RYR2: variants seen among roughly 807,000 people sequenced by gnomAD.
The protein encoded by RYR2 is ryanodine receptor 2.
Under a neutral mutation model 601.1 loss-of-function variants are expected in RYR2, and 227 were observed. The observed-to-expected ratio is 0.38, with a 90% confidence interval of 0.34 to 0.42. The LOEUF (loss-of-function observed/expected upper bound fraction) is 0.42. RYR2 is among the 10% of genes least tolerant of loss of function. The pLI is 1.00. For missense variants in RYR2, 4,646 were observed against 6,156.5 expected, an observed-to-expected ratio of 0.75 and a Z score of 8.21; for synonymous variants, 2,223 against 2,175.1, an observed-to-expected ratio of 1.02 and a Z score of -0.61.
chr1:237,475,707 A>G lies in RYR2; in HGVS notation c.1708+6520A>G, dbSNP rs980871764. The stretch of plus-strand genomic sequence containing the variant: ...TGTATGTATATAATATAGGATGATT[A>G]AATCAAGCTAATTAAATATCCATAA... On this transcript the variant is annotated intron_variant, in intron 17 of 104. Transcript: ENST00000366574. 3.3e-5 allele frequency among the ~76,000 whole-genome samples: 5 copies of G among 152,372 alleles called. No homozygotes were observed. In the South Asian group the frequency reaches 1.0e-3, roughly 32 times the overall value.
At chr1:237,605,956 T>G (rs975370802) in intron 35 of RYR2, among the ~76,000 whole-genome samples, 2 of 151,458 alleles carry the variant, frequency 1.3e-5, no homozygotes, top group African/African-American at 4.9e-5. Flanking sequence ...TGCTCATGGG[T>G]AGGAAGAATC....
At chr1:237,123,110 T>G (rs1670995201) in intron 1 of RYR2, among the ~76,000 whole-genome samples, 1 of 152,208 alleles carries the variant, frequency 6.6e-6, no homozygotes, top group African/African-American at 2.4e-5. Context: ...GCTAGTACAG[T>G]GGCTTTTATA....
intron 89 of RYR2, among the ~76,000 whole-genome samples, chr1:237,782,083 C>CT (rs1169775572): frequency 6.6e-6 from 1 of 152,042 alleles, no homozygotes; most frequent in Non-Finnish European, 1.5e-5. Flanking sequence ...AGCCTCTGTC[C>CT]CCCAGGGCAG....
chr1:237,755,029 A>C (rs755730758), intron 80 of RYR2: 1 of 1,247,244 alleles, frequency 8.0e-7, no homozygotes, highest in Non-Finnish European at 1.0e-6. Flanking sequence ...ATAGTGTGAC[A>C]AAAAAAACCC....
intron 23 of RYR2, among the ~76,000 whole-genome samples, chr1:237,509,306 AGTT>A (rs1665642923): frequency 6.6e-6 from 1 of 152,216 alleles, no homozygotes; most frequent in South Asian, 2.1e-4. Flanking sequence ...TTTGTGTAGT[AGTT>A]AGAATCCTTG....
chr1:237,349,335 A>G (rs1698562029), intron 3 of RYR2, among the ~76,000 whole-genome samples: 1 of 152,188 alleles, frequency 6.6e-6, no homozygotes, highest in African/African-American at 2.4e-5. Flanking sequence ...CTAACTCTGT[A>G]TTATAGCCAG....
At chr1:237,785,012 T>C in intron 90 of RYR2, 40 bp downstream of exon 90, 1 of 1,362,572 alleles carries the variant, frequency 7.3e-7, no homozygotes, top group Non-Finnish European at 1.0e-6. Flanking sequence ...CTCTCTGGAC[T>C]TCAGGTGGGT....
chr1:237,379,935 G>C (rs1255083339), intron 8 of RYR2, among the ~76,000 whole-genome samples: 1 of 152,100 alleles, frequency 6.6e-6, no homozygotes, highest in Non-Finnish European at 1.5e-5. Flanking sequence ...CTAGCATATA[G>C]CAGAAACAAC....
rs1035685324 is a variant in RYR2, at chr1:237,792,543, A to C, written c.13782+220A>C. Among the ~76,000 whole-genome samples, 6 of 152,008 alleles carry C rather than the reference A, an allele frequency of 3.9e-5. No homozygotes were observed. In the East Asian group the frequency reaches 1.2e-3, roughly 30 times the overall value. ...GGCAAATGGAGGAAGGATGGGACAG[A>C]GGGGAAAGCTGGGCTACTGTAGACA... On this transcript the variant is annotated intron_variant, in intron 94 of 104. Transcript: ENST00000366574.
At chr1:237,393,179 G>A (rs1033889635) in intron 10 of RYR2, among the ~76,000 whole-genome samples, 1 of 152,092 alleles carries the variant, frequency 6.6e-6, no homozygotes. Flanking sequence ...ACCTTATCTG[G>A]CATTGCTCTT....
At chr1:237,284,546 G>GTTTA (rs1339398141) in intron 2 of RYR2, among the ~76,000 whole-genome samples, 1 of 54,528 alleles carries the variant, frequency 1.8e-5, no homozygotes, top group Admixed American at 1.4e-4. Context: ...TATATAGTGT[G>GTTTA]TGTATATATA....
chr1:237,146,569 G>A (rs1278572482), intron 1 of RYR2, among the ~76,000 whole-genome samples: 1 of 152,178 alleles, frequency 6.6e-6, no homozygotes. Flanking sequence ...TGTACTGCCA[G>A]CTGTTTTTCT....
chr1:237,160,615 A>T (rs1041379274), intron 1 of RYR2, among the ~76,000 whole-genome samples: 1 of 152,018 alleles, frequency 6.6e-6, no homozygotes. Flanking sequence ...GTGTATATTC[A>T]TCCTGCTAAT....
At chr1:237,700,530 A>G (rs780630926) in intron 65 of RYR2, 63 bp downstream of exon 65, 11 of 803,382 alleles carry the variant, frequency 1.4e-5, no homozygotes. Flanking sequence ...AGTACAATCA[A>G]AAACAGTAAT....
At chr1:237,366,304 A>T (rs1232388723) in intron 5 of RYR2, among the ~76,000 whole-genome samples, 1 of 152,218 alleles carries the variant, frequency 6.6e-6, no homozygotes, top group Non-Finnish European at 1.5e-5. Flanking sequence ...TGTCTTGACA[A>T]TGTTAAACTG....
At chr1:237,818,678 A>G (rs1662106203) in intron 100 of RYR2, among the ~76,000 whole-genome samples, 1 of 151,956 alleles carries the variant, frequency 6.6e-6, no homozygotes, top group Non-Finnish European at 1.5e-5. Flanking sequence ...ATAACCAAAC[A>G]ATACAATATA....
chr1:237,219,621 T>G (rs1263407392), intron 1 of RYR2, among the ~76,000 whole-genome samples: 2 of 152,112 alleles, frequency 1.3e-5, no homozygotes, highest in Non-Finnish European at 2.9e-5. Context: ...TGGGGAGGAA[T>G]GAGTACTGCA....
intron 3 of RYR2, chr1:237,352,897 C>A: frequency 2.0e-6 from 1 of 510,530 alleles, no homozygotes; most frequent in East Asian, 5.5e-5. Flanking sequence ...TCTTAACTCC[C>A]TCCCTACCAT....
chr1:237,750,458 G>A (rs946102705), intron 80 of RYR2, among the ~76,000 whole-genome samples: 2 of 150,954 alleles, frequency 1.3e-5, no homozygotes, highest in Non-Finnish European at 3.0e-5. Flanking sequence ...CATAAATATA[G>A]GAGCCAATAT....
Sources: gnomAD v4.1 joint callset for allele counts (sites outside exome capture counted in the v4.1 genomes callset) on GRCh38, gnomAD v4.1.1 for gene constraint, MANE v1.5 for transcripts, NCBI Gene and HGNC (gene_info 2026-07-23, HGNC 2026-07-21) for gene names.